The following NLRC5 variants were observed in gnomAD, a reference collection of about 807,000 sequenced individuals.
NLRC5 encodes protein NLRC5.
In NLRC5, 114 loss-of-function variants were observed where a neutral mutation model predicts 206.9. The observed-to-expected ratio is 0.55, with a 90% CI of 0.47 to 0.64. The LOEUF (loss-of-function observed/expected upper bound fraction) is 0.64, where lower values mean the gene tolerates loss of function less well. Ranked by LOEUF, NLRC5 falls within the 30% of genes least tolerant of loss-of-function variation. The probability of loss-of-function intolerance (pLI) is 0.00; values close to 1 mark genes in which losing one functional copy is unlikely to be tolerated. For missense variants in NLRC5, 2,008 were observed against 2,305.5 expected, an observed-to-expected ratio of 0.87 and a Z score of 2.64; for synonymous variants, 952 against 962.8, an observed-to-expected ratio of 0.99 and a Z score of 0.21.
chr16:57,019,869 C>T (rs2060470059), intron 2 of NLRC5, among the ~76,000 whole-genome samples: 1 of 152,118 alleles, frequency 6.6e-6, no homozygotes, highest in Admixed American at 6.5e-5. Flanking sequence ...TTGTCTCTGC[C>T]ATGAGGTTAG....
At chr16:57,045,368 T>C in intron 20 of NLRC5, 80 bp from the exon 21 acceptor site, 2 of 1,460,684 alleles carry the variant, frequency 1.4e-6, no homozygotes, top group Non-Finnish European at 1.9e-6. Flanking sequence ...CTCCTTGCCC[T>C]GACCAGTCTG....
intron 14 of NLRC5, among the ~76,000 whole-genome samples, chr16:57,036,731 A>AG (rs2062631143): frequency 6.6e-6 from 1 of 151,694 alleles, no homozygotes; most frequent in Admixed American, 6.6e-5. Context: ...ATTGGGTAGC[A>AG]GTGGTTTGGG....
chr16:57,032,862 G>T (rs1454046176), intron 11 of NLRC5, among the ~76,000 whole-genome samples: 1 of 151,912 alleles, frequency 6.6e-6, no homozygotes, highest in Admixed American at 6.6e-5. Flanking sequence ...GCTGGGCATG[G>T]TGATTCACTC....
chr16:57,070,051 A>C (rs2144871046), intron 37 of NLRC5, 132 bp downstream of exon 37: 1 of 724,844 alleles, frequency 1.4e-6, no homozygotes. Context: ...GAAGTGCAGC[A>C]GTTCTGGGTG....
rs564456463 is a variant in NLRC5, at chr16:57,042,076, C to T, written c.3113+11C>T. 59 of 1,504,404 alleles carry T rather than the reference C, an allele frequency of 3.9e-5. No individual in the cohort carries two copies. Among genetic ancestry groups the T allele is most frequent in the African/African-American group, 1.3e-4 (9 of 69,848 alleles). 93.2% of individuals were successfully genotyped at this position (1,504,404 alleles called of 1,614,324 possible). On this transcript the variant is annotated intron_variant, in intron 19 of 48. Transcript: ENST00000688547. ...TCTGCAGTCCTTGAAGTGAGTAGCC[C>T]GCTAGGCAGAGCCTCTGAGGCTGGG... is the stretch of plus-strand genomic sequence containing the variant.
At position 57,025,493 on chromosome 16, in the gene NLRC5, G is replaced by A. The variant is rs780366196; in HGVS notation, c.550G>A (p.Ala184Thr). 3.2e-5 allele frequency: 51 copies of A among 1,613,346 alleles called. No individual in the cohort carries two copies. Among genetic ancestry groups the A allele is most frequent in the Non-Finnish European group, 4.2e-5 (50 of 1,179,666 alleles). Residue 184 changes from alanine to threonine, a missense_variant, in exon 6 of 49, where the codon GCC becomes ACC. Coordinates refer to ENST00000688547, the MANE Select transcript of NLRC5 (RefSeq NM_001384950.1). ...QVYVPPILRR[A>T]TASLDTPEGA... ...CTATGTCCCTCCAATCCTGCGCCGG[G>A]CCACAGCATCCTTAGACACTCCGGA... is the stretch of plus-strand genomic sequence containing the variant.
In NLRC5 at chr16:57,061,513, T is replaced by G. The variant is rs747333317; in HGVS notation, c.4052T>G (p.Leu1351Arg). ...CTGGCCACCGGCTTGAGCAAGTCCC[T>G]GCAGCTGACGGAGCTCACGTGAGTG... is the stretch of plus-strand genomic sequence containing the variant. The part of the protein sequence containing the change: ...SRLATGLSKS[L>R]QLTELTLTQC... Residue 1351 changes from leucine (L) to arginine (R), a missense_variant, in exon 31 of 49, where the codon CTG becomes CGG. Physicochemically the swap from Leu to Arg is moderately radical, Grantham distance 102 (BLOSUM62 -2). Transcript: ENST00000688547. 2 of 1,610,320 alleles carry G rather than the reference T, an allele frequency of 1.2e-6. No homozygotes were observed. Among genetic ancestry groups the G allele is most frequent in the East Asian group, 4.5e-5 (2 of 44,902 alleles).
chr16:57,056,686 T>C (rs2065712682), intron 27 of NLRC5, among the ~76,000 whole-genome samples: 1 of 151,552 alleles, frequency 6.6e-6, no homozygotes, highest in South Asian at 2.1e-4. Context: ...TTAGATGGAG[T>C]CTTTCTCTGC....
At chr16:57,076,067 C>A in intron 39 of NLRC5, 1 of 198,296 alleles carries the variant, frequency 5.0e-6, no homozygotes, top group Non-Finnish European at 1.1e-5. Context: ...GTATGCACCA[C>A]CACGCCCAGA....
intron 10 of NLRC5, 66 bp downstream of exon 10, chr16:57,030,150 G>A (rs1382229431): frequency 1.4e-5 from 18 of 1,305,938 alleles, no homozygotes; most frequent in African/African-American, 2.9e-5. Context: ...AAGTGGGATG[G>A]GAAATGGAGG....
chr16:56,993,132 T>C (rs289753), intron 1 of NLRC5, among the ~76,000 whole-genome samples: 72,711 of 118,470 alleles, frequency 0.61, 19,103 homozygotes, highest in Non-Finnish European at 0.64. Flanking sequence ...TATATATATA[T>C]ACACACACAC....
chr16:57,079,669 A>G (rs751861088), intron 46 of NLRC5, 40 bp downstream of exon 46: 9 of 1,586,804 alleles, frequency 5.7e-6, no homozygotes, highest in Non-Finnish European at 6.9e-6. Flanking sequence ...TGGGAAAAGG[A>G]AAAGTCGGGA....
intron 46 of NLRC5, 90 bp downstream of exon 46, chr16:57,079,719 G>A: frequency 9.9e-7 from 1 of 1,014,490 alleles, no homozygotes; most frequent in Non-Finnish European, 1.5e-6. Flanking sequence ...GTGTGGCCTG[G>A]AGCTGCTCCC....
rs1194470098 is a variant in NLRC5, at chr16:57,026,048, G to A, written c.1105G>A (p.Gly369Arg). The change falls in exon 6 of 49, where the codon GGG becomes AGG. Residue 369 changes from glycine (G) to arginine (R), a missense_variant. Gly to Arg is a moderately radical substitution (Grantham distance 125, BLOSUM62 -2). Transcript: ENST00000688547. ...AAMVHMLGFD[G>R]PRVEEYVNHF... ...CATGGTCCACATGTTGGGCTTTGAT[G>A]GGCCACGGGTGGAAGAATATGTGAA... 2 of 1,613,938 alleles carry A rather than the reference G, an allele frequency of 1.2e-6. No individual in the cohort carries two copies. The highest frequency in any genetic ancestry group is 2.7e-5 in the African/African-American group (2 of 74,946).
At chr16:57,037,042 C>T (rs575417054) in intron 14 of NLRC5, among the ~76,000 whole-genome samples, 153 bp from the exon 15 acceptor site, 274 of 152,222 alleles carry the variant, frequency 1.8e-3, no homozygotes, top group African/African-American at 5.9e-3. Context: ...CTTACTCACA[C>T]GCACCAGAAT....
chr16:57,013,840 C>T lies in NLRC5; in HGVS notation c.-127-3234C>T, dbSNP rs16965044. On this transcript the variant is annotated intron_variant, in intron 1 of 48. Coordinates refer to ENST00000688547, the MANE Select transcript of NLRC5 (RefSeq NM_001384950.1). ...TATCTCCAGCATAAGTTATTTCATC[C>T]GATACTTTCTTTTTCAAAAATGGCA... 5,265 of 676,736 alleles carry T rather than the reference C, an allele frequency of 7.8e-3. 186 individuals carry two copies. In the African/African-American group the frequency reaches 0.079, roughly 10 times the overall value. The allele number at this position is 676,736 out of a possible 1,614,324, so 41.9% of individuals were successfully genotyped here.
intron 15 of NLRC5, 40 bp downstream of exon 15, chr16:57,037,324 C>T (rs55857123): frequency 0.11 from 164,702 of 1,541,356 alleles, 9,906 homozygotes; most frequent in African/African-American, 0.21. Context: ...TCCCCCCCCC[C>T]ATCATGCTCT....
rs1383742245 is a variant in NLRC5 at position 57,082,597 on chromosome 16, G to A, written c.*69G>A. 1 of 1,219,420 alleles carries A rather than the reference G, an allele frequency of 8.2e-7. No homozygotes were observed. The highest frequency in any genetic ancestry group is 1.2e-6 in the Non-Finnish European group (1 of 836,502). 75.5% of individuals were successfully genotyped at this position (1,219,420 alleles called of 1,614,324 possible). On this transcript the variant is annotated 3_prime_UTR_variant, in exon 49 of 49. Coordinates refer to ENST00000688547, the MANE Select transcript of NLRC5 (RefSeq NM_001384950.1). ...AAATGATCCACCTTTCGCCCACTGG[G>A]ATAATTGACTCAGGAAAGAAGAGCC...
At position 57,061,681 on chromosome 16, in the gene NLRC5, C is replaced by A; in HGVS notation, c.4134C>A (p.Pro1378=). ...TCCTCCTGAGCTTGGTGGGGCGACC[C>A]GCAGGGCTGTTCAGCCTCAGGTACC... ...LAILLSLVGR[P]AGLFSLRVQE... Residue 1378 remains proline, a synonymous_variant, in exon 32 of 49, where the codon CCC becomes CCA. Coordinates refer to ENST00000688547, the MANE Select transcript of NLRC5 (RefSeq NM_001384950.1). 1 of 1,607,762 alleles carries A rather than the reference C, an allele frequency of 6.2e-7. No homozygotes were observed.
Sources: allele counts gnomAD v4.1 joint callset (sites outside exome capture counted in the v4.1 genomes callset), GRCh38; gene constraint gnomAD v4.1.1; transcripts MANE v1.5; gene names NCBI Gene and HGNC (gene_info 2026-07-23, HGNC 2026-07-21).